HAPSTR1: variants seen among roughly 807,000 people sequenced by gnomAD.
The protein encoded by HAPSTR1 is HUWE1 associated protein modifying stress responses.
At chr16:9,117,006 C>G in the HAPSTR1 span, 171 of 1,529,858 alleles carry the variant, frequency 1.1e-4, no homozygotes, top group Non-Finnish European at 3.1e-5. Context: ...GCCATCTTCC[C>G]TTGTTCACTG....
the HAPSTR1 span, chr16:9,103,265 G>C: frequency 1.9e-6 from 3 of 1,608,556 alleles, no homozygotes; most frequent in Non-Finnish European, 2.5e-6. Flanking sequence ...GCATGGTAAA[G>C]CCGTTTAAAC....
chr16:9,092,676 G>A, the HAPSTR1 span, among the ~76,000 whole-genome samples: 3 of 152,104 alleles, frequency 2.0e-5, no homozygotes, highest in Non-Finnish European at 4.4e-5. Flanking sequence ...TCCCTGCGCC[G>A]CGGCTCGTCC....
At chr16:9,112,659 A>G in the HAPSTR1 span, 1 of 152,218 alleles carries the variant, frequency 6.6e-6, no homozygotes, top group East Asian at 1.9e-4. Context: ...TGCAAACAGG[A>G]TTTTCTTATT....
At chr16:9,100,009 A>G in the HAPSTR1 span, among the ~76,000 whole-genome samples, 1 of 152,204 alleles carries the variant, frequency 6.6e-6, no homozygotes, top group Admixed American at 6.5e-5. Flanking sequence ...TGGTTTTCAG[A>G]ATATATACTG....
chr16:9,092,198 C>T, the HAPSTR1 span: 2 of 1,586,090 alleles, frequency 1.3e-6, no homozygotes, highest in Non-Finnish European at 1.7e-6. Context: ...CGCCGCGCAG[C>T]CCGAGCACAA....
At chr16:9,093,237 A>G in the HAPSTR1 span, among the ~76,000 whole-genome samples, 2 of 152,190 alleles carry the variant, frequency 1.3e-5, 1 homozygote, top group South Asian at 4.1e-4. Flanking sequence ...GGCTTCTCCT[A>G]GAAGGGGCTG....
the HAPSTR1 span, chr16:9,105,086 A>G: frequency 6.6e-6 from 1 of 152,174 alleles, no homozygotes; most frequent in Non-Finnish European, 1.5e-5. Flanking sequence ...GCCCTCGAAA[A>G]ACTGTATTCT....
the HAPSTR1 span, chr16:9,092,854 TTCTTTC>T: frequency 3.5e-6 from 5 of 1,411,554 alleles, no homozygotes; most frequent in Admixed American, 4.5e-5. Context: ...CTTGTTCTCT[TTCTTTC>T]TCTTTCTATG....
At chr16:9,099,136 T>TA in the HAPSTR1 span, among the ~76,000 whole-genome samples, 23 of 86,856 alleles carry the variant, frequency 2.6e-4, no homozygotes, top group South Asian at 3.0e-3. Flanking sequence ...TAAAAGCATT[T>TA]AAAGAAAAAA....
chr16:9,111,251 G>C, the HAPSTR1 span: 3 of 152,210 alleles, frequency 2.0e-5, no homozygotes, highest in East Asian at 3.8e-4. Context: ...GCATCTTCTT[G>C]AAGTAACAGA....
At chr16:9,118,518 C>A in the HAPSTR1 span, 1 of 152,474 alleles carries the variant, frequency 6.6e-6, no homozygotes, top group Admixed American at 6.6e-5. Context: ...ATAGATGTAG[C>A]CCTTATTTAA....
chr16:9,112,698 A>G, the HAPSTR1 span: 2 of 152,276 alleles, frequency 1.3e-5, no homozygotes, highest in Non-Finnish European at 2.9e-5. Flanking sequence ...TATGAAAATA[A>G]TAGTTAATAA....
At chr16:9,098,766 G>A in the HAPSTR1 span, among the ~76,000 whole-genome samples, 1 of 152,204 alleles carries the variant, frequency 6.6e-6, no homozygotes, top group Non-Finnish European at 1.5e-5. Flanking sequence ...CTTTAGAAGT[G>A]TTGCTTTGAT....
the HAPSTR1 span, among the ~76,000 whole-genome samples, chr16:9,094,160 A>G: frequency 6.6e-6 from 1 of 152,124 alleles, no homozygotes; most frequent in South Asian, 2.1e-4. Context: ...TGGGACAGTA[A>G]TTTGAGAACT....
the HAPSTR1 span, among the ~76,000 whole-genome samples, chr16:9,115,819 T>A: frequency 4.6e-5 from 7 of 152,136 alleles, no homozygotes; most frequent in South Asian, 6.2e-4. Context: ...TTCACCATGT[T>A]GGCCAGGCTG....
chr16:9,113,901 T>C, the HAPSTR1 span, among the ~76,000 whole-genome samples: 63 of 152,270 alleles, frequency 4.1e-4, no homozygotes, highest in African/African-American at 1.5e-3. Flanking sequence ...TATTTTCTGG[T>C]GTTGGAGAGG....
chr16:9,096,973 G>T, the HAPSTR1 span, among the ~76,000 whole-genome samples: 1 of 151,800 alleles, frequency 6.6e-6, no homozygotes, highest in Non-Finnish European at 1.5e-5. Flanking sequence ...ACGAAGTCTC[G>T]CTCTTGTCCC....
At chr16:9,119,751 T>TG in the HAPSTR1 span, 3 of 152,270 alleles carry the variant, frequency 2.0e-5, no homozygotes, top group East Asian at 5.8e-4. Context: ...AACTTTTTGA[T>TG]GCAATCAAAT....
chr16:9,107,150 C>G, the HAPSTR1 span: 9 of 152,224 alleles, frequency 5.9e-5, no homozygotes, highest in Non-Finnish European at 1.0e-4. Flanking sequence ...TCCAAATTGT[C>G]CCACAGGCAT....
Sources: allele counts gnomAD v4.1 joint callset (sites outside exome capture counted in the v4.1 genomes callset), GRCh38; gene constraint gnomAD v4.1.1; transcripts MANE v1.5; gene names NCBI Gene and HGNC (gene_info 2026-07-23, HGNC 2026-07-21).